Variants in BLTP3A observed in about 807,000 individuals in gnomAD.
BLTP3A encodes the protein bridge-like lipid transfer protein family member 3A.
chr6:34,866,228 ACT>A, the BLTP3A span, among the ~76,000 whole-genome samples: 12 of 151,940 alleles, frequency 7.9e-5, no homozygotes, highest in African/African-American at 2.9e-4. Context: ...ACATGGTGAA[ACT>A]CTGTCTCTAC....
At chr6:34,868,741 A>T in the BLTP3A span, among the ~76,000 whole-genome samples, 1 of 149,168 alleles carries the variant, frequency 6.7e-6, no homozygotes, top group Non-Finnish European at 1.5e-5. Flanking sequence ...AAAAAAAAAA[A>T]TTAGCTCGGT....
chr6:34,860,058 C>T, the BLTP3A span, among the ~76,000 whole-genome samples: 1 of 152,190 alleles, frequency 6.6e-6, no homozygotes, highest in Non-Finnish European at 1.5e-5. Context: ...TTTGTACCCC[C>T]AGTTTATAGC....
At chr6:34,810,965 A>G in the BLTP3A span, among the ~76,000 whole-genome samples, 1 of 152,166 alleles carries the variant, frequency 6.6e-6, no homozygotes, top group African/African-American at 2.4e-5. Context: ...GACATACCTA[A>G]CCTTTTCTTA....
chr6:34,848,076 T>A, the BLTP3A span, among the ~76,000 whole-genome samples: 2 of 150,682 alleles, frequency 1.3e-5, no homozygotes, highest in Non-Finnish European at 3.0e-5. Context: ...TGCACTACCA[T>A]GCCAGGCTAA....
chr6:34,802,106 A>G, the BLTP3A span, among the ~76,000 whole-genome samples: 2 of 152,152 alleles, frequency 1.3e-5, no homozygotes, highest in Non-Finnish European at 2.9e-5. Flanking sequence ...GAACTTTACC[A>G]AGAATTTGTC....
the BLTP3A span, among the ~76,000 whole-genome samples, chr6:34,816,893 T>C: frequency 9.2e-5 from 14 of 152,238 alleles, no homozygotes; most frequent in African/African-American, 3.4e-4. Flanking sequence ...TTCTGAACTA[T>C]GCCCTGCCCC....
the BLTP3A span, among the ~76,000 whole-genome samples, chr6:34,860,133 T>G: frequency 6.6e-6 from 1 of 152,098 alleles, no homozygotes; most frequent in East Asian, 1.9e-4. Flanking sequence ...AATAGAAAAG[T>G]TGTGGCTTTG....
chr6:34,833,131 G>A, the BLTP3A span, among the ~76,000 whole-genome samples: 2 of 152,164 alleles, frequency 1.3e-5, no homozygotes. Context: ...ATGGGTCCAT[G>A]CATATGCGGA....
At chr6:34,851,755 G>T in the BLTP3A span, among the ~76,000 whole-genome samples, 2 of 152,178 alleles carry the variant, frequency 1.3e-5, no homozygotes, top group Non-Finnish European at 2.9e-5. Context: ...CCATCCAGGA[G>T]CCATGGCCCG....
the BLTP3A span, among the ~76,000 whole-genome samples, chr6:34,822,427 C>T: frequency 4.8e-3 from 730 of 152,030 alleles, 5 homozygotes; most frequent in Admixed American, 8.5e-3. Flanking sequence ...TTAATAGAGA[C>T]GAGGTTTTGC....
the BLTP3A span, among the ~76,000 whole-genome samples, chr6:34,803,140 C>T: frequency 6.6e-5 from 10 of 151,624 alleles, no homozygotes; most frequent in Admixed American, 3.3e-4. Context: ...GCTGTGATCG[C>T]GCCACTGCAC....
the BLTP3A span, among the ~76,000 whole-genome samples, chr6:34,799,346 C>T: frequency 1.3e-5 from 2 of 151,954 alleles, no homozygotes; most frequent in African/African-American, 2.4e-5. Context: ...TTTAAATAGC[C>T]AGGCATGGTG....
At chr6:34,829,269 G>C in the BLTP3A span, among the ~76,000 whole-genome samples, 1 of 152,028 alleles carries the variant, frequency 6.6e-6, no homozygotes, top group African/African-American at 2.4e-5. Context: ...GTTCTTCCCT[G>C]CCTTAGCCCT....
chr6:34,828,295 A>T, the BLTP3A span, among the ~76,000 whole-genome samples: 1 of 151,974 alleles, frequency 6.6e-6, no homozygotes, highest in African/African-American at 2.4e-5. Context: ...TACTAAAAAT[A>T]CAAAAATTAG....
chr6:34,816,124 G>T, the BLTP3A span, among the ~76,000 whole-genome samples: 3 of 152,184 alleles, frequency 2.0e-5, no homozygotes, highest in Non-Finnish European at 2.9e-5. Flanking sequence ...AATAGAGTTA[G>T]ATTTTGCAAA....
chr6:34,874,594 C>T, the BLTP3A span: 100 of 152,316 alleles, frequency 6.6e-4, no homozygotes, highest in African/African-American at 2.4e-3. Context: ...ACTCAGAAAA[C>T]TGACAGGTGA....
At chr6:34,871,899 C>T in the BLTP3A span, 1 of 1,614,146 alleles carries the variant, frequency 6.2e-7, no homozygotes, top group Non-Finnish European at 8.5e-7. Context: ...GTTTTTGGTG[C>T]CCACAGGAGA....
chr6:34,849,548 T>G, the BLTP3A span, among the ~76,000 whole-genome samples: 1 of 152,224 alleles, frequency 6.6e-6, no homozygotes, highest in African/African-American at 2.4e-5. Flanking sequence ...GTTATTGTAG[T>G]TATTTTTGAT....
the BLTP3A span, among the ~76,000 whole-genome samples, chr6:34,839,879 G>C: frequency 1.7e-4 from 26 of 152,376 alleles, no homozygotes; most frequent in African/African-American, 6.3e-4. Context: ...CCTTACAGGG[G>C]TCAATAGCTT....
Sources: allele counts gnomAD v4.1 joint callset (sites outside exome capture counted in the v4.1 genomes callset), GRCh38; gene constraint gnomAD v4.1.1; transcripts MANE v1.5; gene names NCBI Gene and HGNC (gene_info 2026-07-23, HGNC 2026-07-21).